Variants in SMYD3 observed in about 807,000 individuals in gnomAD.
The protein encoded by SMYD3 is histone-lysine N-methyltransferase SMYD3.
Under a neutral mutation model 57.7 loss-of-function variants are expected in SMYD3, and 36 were observed. The ratio of observed to expected loss-of-function variants is 0.62; its 90% CI spans 0.48 to 0.82. SMYD3 has a LOEUF of 0.82. SMYD3 is among the 40% of genes least tolerant of loss of function. The probability of loss-of-function intolerance (pLI) is 0.00; values close to 1 mark genes in which losing one functional copy is unlikely to be tolerated. For synonymous variants in SMYD3, 211 were observed against 195.0 expected (o/e 1.08, Z -0.68); for missense variants, 515 against 538.8 (o/e 0.96, Z 0.44).
chr1:245,753,445 G>A (rs1345707288), intron 11 of SMYD3, among the ~76,000 whole-genome samples: 1 of 152,232 alleles, frequency 6.6e-6, no homozygotes, highest in Non-Finnish European at 1.5e-5. Context: ...GCGGATGTGT[G>A]CGTGGATGAA....
intron 5 of SMYD3, among the ~76,000 whole-genome samples, chr1:246,054,236 T>G (rs981447463): frequency 6.6e-5 from 10 of 152,134 alleles, no homozygotes; most frequent in Non-Finnish European, 1.2e-4. Context: ...GAGCACGTAT[T>G]AGAATGGCTG....
rs376412334 is a variant in SMYD3 at position 245,879,264 on chromosome 1, C to G, written c.814-15378G>C. On this transcript the variant is annotated intron_variant, in intron 8 of 11. Transcript: ENST00000490107. ...TCACAAACAGCTGATAAGCATTTCC[C>G]AATAGGACTAGATGACCTACCTCAT... Among the ~76,000 whole-genome samples the G allele has an allele frequency of 1.4e-3, 212 of 152,318 alleles. 1 individual carries two copies. Among genetic ancestry groups the G allele is most frequent in the African/African-American group, 4.9e-3 (205 of 41,578 alleles).
chr1:245,893,705 A>G (rs2053543720), intron 8 of SMYD3, among the ~76,000 whole-genome samples: 1 of 152,098 alleles, frequency 6.6e-6, no homozygotes, highest in African/African-American at 2.4e-5. Context: ...ACATGGATAC[A>G]ACGCAGTACG....
chr1:246,414,937 G>A (rs1326705585), intron 1 of SMYD3, among the ~76,000 whole-genome samples: 4 of 151,946 alleles, frequency 2.6e-5, no homozygotes, highest in East Asian at 1.9e-4. Flanking sequence ...GGCCAGTCTC[G>A]AACTCCTGAC....
Position 246,110,223 on chromosome 1 carries a change from G to A in SMYD3, c.532-180286C>T, listed in dbSNP as rs563642886. On this transcript the variant is annotated intron_variant, in intron 5 of 11. Transcript: ENST00000490107. The stretch of plus-strand genomic sequence containing the variant: ...AAATCAGGTTCTGTCTTGGCTCAGC[G>A]TCTAACTAGATGTGTGGACTTAGAC... Among the ~76,000 whole-genome samples, 51 of 152,286 alleles carry A rather than the reference G, an allele frequency of 3.3e-4. No homozygotes were observed. The South Asian group carries it at 6.4e-3, about 19-fold the overall frequency.
chr1:245,762,659 C>T (rs764806974), intron 11 of SMYD3, among the ~76,000 whole-genome samples: 14 of 152,316 alleles, frequency 9.2e-5, no homozygotes, highest in South Asian at 2.1e-4. Flanking sequence ...GTTGGCCACA[C>T]GCTGACTTTA....
intron 5 of SMYD3, among the ~76,000 whole-genome samples, chr1:246,307,351 A>C (rs1267662361): frequency 6.6e-6 from 1 of 151,998 alleles, no homozygotes; most frequent in Admixed American, 6.5e-5. Context: ...CAAAATAAAC[A>C]AACAAAGGCC....
chr1:246,093,718 A>G (rs1423694631), intron 5 of SMYD3, among the ~76,000 whole-genome samples: 2 of 152,212 alleles, frequency 1.3e-5, no homozygotes, highest in African/African-American at 4.8e-5. Flanking sequence ...TTAAGTTCCT[A>G]AAACTTGATA....
chr1:246,083,018 T>G (rs1442945984), intron 5 of SMYD3, among the ~76,000 whole-genome samples: 1 of 150,820 alleles, frequency 6.6e-6, no homozygotes. Context: ...AGCCAGGTAT[T>G]GTCCAAGGTT....
chr1:246,405,661 C>T (rs1475220968), intron 1 of SMYD3, among the ~76,000 whole-genome samples: 1 of 152,080 alleles, frequency 6.6e-6, no homozygotes, highest in African/African-American at 2.4e-5. Flanking sequence ...GTAATCCCAG[C>T]ACTTTGGGAG....
intron 5 of SMYD3, among the ~76,000 whole-genome samples, chr1:246,303,015 C>T (rs1245476269): frequency 6.6e-6 from 1 of 152,044 alleles, no homozygotes; most frequent in Non-Finnish European, 1.5e-5. Flanking sequence ...GAGAGAATTG[C>T]GGATATACAG....
chr1:246,125,071 CAAAAAA>C (rs35080862), intron 5 of SMYD3, among the ~76,000 whole-genome samples: 1 of 121,712 alleles, frequency 8.2e-6, no homozygotes, highest in African/African-American at 3.0e-5. Context: ...GACTCCGTCT[CAAAAAA>C]AAAAAAAAAA....
chr1:246,209,434 A>G lies in SMYD3; in HGVS notation c.531+117767T>C, dbSNP rs535525059. 5.3e-5 allele frequency among the ~76,000 whole-genome samples: 8 copies of G among 152,310 alleles called. No individual in the cohort carries two copies. In the East Asian group the frequency reaches 1.3e-3, roughly 26 times the overall value. ...TAAGACCAAAACTGGGATTCAGGGT[A>G]TATATAACAAGAGGGGGAAAAAAAG... On this transcript the variant is annotated intron_variant, in intron 5 of 11. Transcript: ENST00000490107.
At position 246,148,113 on chromosome 1, in the gene SMYD3, G is replaced by A. The variant is rs1056292692; in HGVS notation, c.531+179088C>T. 7.2e-5 allele frequency among the ~76,000 whole-genome samples: 11 copies of A among 152,154 alleles called. No homozygotes were observed. In the South Asian group the frequency reaches 2.3e-3, roughly 32 times the overall value. On this transcript the variant is annotated intron_variant, in intron 5 of 11. Transcript: ENST00000490107. Reference sequence around the variant, plus strand: ...GGAGGGCCTGAAGGCTGGGGGCCAGGATGCCAGTCCGGGACCGGAGTGGGG... The same window carrying A: ...GGAGGGCCTGAAGGCTGGGGGCCAGAATGCCAGTCCGGGACCGGAGTGGGG...
At chr1:246,093,663 C>T (rs778454157) in intron 5 of SMYD3, among the ~76,000 whole-genome samples, 18 of 151,718 alleles carry the variant, frequency 1.2e-4, no homozygotes, top group Admixed American at 4.6e-4. Context: ...ATAATTATTA[C>T]GTACAATTAT....
rs146894410 is a variant in SMYD3 at position 246,018,908 on chromosome 1, T to G, written c.532-88971A>C. ...CATGAGCCACCATGCCCAGCAGATT[T>G]CTTCTTGATTAGTTTACGCTGTATG... On this transcript the variant is annotated intron_variant, in intron 5 of 11. Transcript: ENST00000490107. 7.6e-4 allele frequency among the ~76,000 whole-genome samples: 116 copies of G among 152,284 alleles called. 1 individual carries two copies. The highest frequency in any genetic ancestry group is 2.6e-3 in the African/African-American group (110 of 41,572).
intron 5 of SMYD3, among the ~76,000 whole-genome samples, chr1:246,093,664 G>A (rs1038556782): frequency 1.8e-4 from 27 of 151,772 alleles, no homozygotes; most frequent in Admixed American, 1.3e-3. Context: ...TAATTATTAC[G>A]TACAATTATT....
At position 245,847,367 on chromosome 1, in the gene SMYD3, C is replaced by T. The variant is rs999841716; in HGVS notation, c.1076+11129G>A. On this transcript the variant is annotated intron_variant, in intron 10 of 11. Transcript: ENST00000490107. ...TGTAACTGAAGTCCCATCCATCTAT[C>T]CTTCGGGAGTTTCTGAAAACTCTAT... 1.5e-4 allele frequency among the ~76,000 whole-genome samples: 23 copies of T among 152,190 alleles called. 1 individual carries two copies. The highest frequency in any genetic ancestry group is 6.5e-5 in the Admixed American group (1 of 15,288).
intron 11 of SMYD3, among the ~76,000 whole-genome samples, chr1:245,759,187 T>C (rs1278588689): frequency 6.6e-6 from 1 of 152,194 alleles, no homozygotes; most frequent in Non-Finnish European, 1.5e-5. Context: ...GAACTATTAT[T>C]CTCTATTTGG....
Sources: gnomAD v4.1 joint callset for allele counts (sites outside exome capture counted in the v4.1 genomes callset) on GRCh38, gnomAD v4.1.1 for gene constraint, MANE v1.5 for transcripts, NCBI Gene and HGNC (gene_info 2026-07-23, HGNC 2026-07-21) for gene names.